UBR2: variants seen among roughly 807,000 people sequenced by gnomAD.
UBR2 encodes the protein ubiquitin protein ligase E3 component n-recognin 2, also known as E3 ubiquitin-protein ligase UBR2.
In UBR2, 92 loss-of-function variants were observed where a neutral mutation model predicts 247.9. The observed-to-expected ratio is 0.37, with a 90% CI of 0.31 to 0.44. The LOEUF is 0.44. Among genes scored for constraint, UBR2 ranks in the 20% least tolerant of loss-of-function variants. The pLI, the probability that UBR2 is intolerant of heterozygous loss-of-function variation, is 1.00. For synonymous variants in UBR2, 672 were observed against 693.5 expected (o/e 0.97, Z 0.49); for missense variants, 1,613 against 2,112.6 (o/e 0.76, Z 4.64).
intron 11 of UBR2, among the ~76,000 whole-genome samples, chr6:42,623,060 A>G (rs1021073495): frequency 4.6e-5 from 7 of 152,046 alleles, no homozygotes; most frequent in African/African-American, 1.4e-4. Flanking sequence ...TTGAATATTT[A>G]TATATTTTAT....
intron 1 of UBR2, among the ~76,000 whole-genome samples, chr6:42,570,204 A>C (rs1474855846): frequency 6.6e-6 from 1 of 152,202 alleles, no homozygotes; most frequent in Non-Finnish European, 1.5e-5. Context: ...CAAATCTTTT[A>C]GGTGATTGTG....
chr6:42,602,185 C>A (rs1399586966), intron 4 of UBR2, among the ~76,000 whole-genome samples: 2 of 149,952 alleles, frequency 1.3e-5, no homozygotes, highest in Non-Finnish European at 3.0e-5. Context: ...CCATGCCTGG[C>A]CCTTTTTTTT....
intron 4 of UBR2, among the ~76,000 whole-genome samples, chr6:42,599,336 G>A (rs539524621): frequency 3.9e-5 from 6 of 152,238 alleles, no homozygotes; most frequent in African/African-American, 1.4e-4. Flanking sequence ...TTAGGCTGAG[G>A]TGGAGGATCA....
At chr6:42,677,329 C>T (rs184462001) in intron 40 of UBR2, among the ~76,000 whole-genome samples, 2 of 152,192 alleles carry the variant, frequency 1.3e-5, no homozygotes, top group East Asian at 3.9e-4. Context: ...CTACAAATAG[C>T]AATTCAGTAG....
intron 25 of UBR2, among the ~76,000 whole-genome samples, chr6:42,654,094 G>C: frequency 6.6e-6 from 1 of 152,178 alleles, no homozygotes. Context: ...CTCCTCGGGA[G>C]GCTGAGTAGC....
chr6:42,586,538 C>CTTTTTTTTTTTTTTTTTTTTTTTCT (rs147830824), intron 2 of UBR2, among the ~76,000 whole-genome samples: 1 of 97,256 alleles, frequency 1.0e-5, no homozygotes, highest in Non-Finnish European at 1.9e-5. Context: ...GTTTGTCTCT[C>CTTTTTTTTTTTTTTTTTTTTTTTCT]TTTTTTTTTT....
intron 23 of UBR2, among the ~76,000 whole-genome samples, chr6:42,650,797 G>A (rs58609816): frequency 0.02 from 3,099 of 152,028 alleles, 96 homozygotes; most frequent in African/African-American, 0.07. Context: ...ATACCTTTAC[G>A]TATATGGGTA....
At chr6:42,650,170 A>G (rs1023711009) in intron 22 of UBR2, 114 bp from the exon 23 acceptor site, 2 of 783,874 alleles carry the variant, frequency 2.6e-6, no homozygotes, top group African/African-American at 1.8e-5. Context: ...TTGTAGCTTA[A>G]CACCCACCAG....
chr6:42,639,750 T>C (rs1796309777), intron 15 of UBR2, among the ~76,000 whole-genome samples: 1 of 152,240 alleles, frequency 6.6e-6, no homozygotes, highest in Non-Finnish European at 1.5e-5. Flanking sequence ...AAAGCTGGCA[T>C]AACATGTATA....
chr6:42,658,607 T>C, intron 28 of UBR2, 39 bp from the exon 29 acceptor site: 2 of 1,549,874 alleles, frequency 1.3e-6, no homozygotes, highest in Non-Finnish European at 8.7e-7. Flanking sequence ...ATGTGCGTTT[T>C]AGCATCTAAT....
chr6:42,687,483 G>C (rs981453093), intron 44 of UBR2, among the ~76,000 whole-genome samples: 2 of 152,176 alleles, frequency 1.3e-5, no homozygotes, highest in African/African-American at 2.4e-5. Flanking sequence ...GCAAAGGGGA[G>C]AGGGAGAGAA....
rs764052746 is a variant in UBR2, at chr6:42,689,676, A to G, written c.5126+6A>G. 6.2e-6 allele frequency: 10 copies of G among 1,613,202 alleles called. No homozygotes were observed. The highest frequency in any genetic ancestry group is 5.0e-5 in the Admixed American group (3 of 60,018). On this transcript the variant is annotated splice_donor_region_variant and intron_variant, in intron 46 of 46. Coordinates refer to ENST00000372901, the MANE Select transcript of UBR2 (RefSeq NM_001363705.2). This position sits in a 1 kb window ranked among gnomAD's most constrained non-coding sequence, Gnocchi z 4.0. ...GAGACCGACCAGGGACTCAGGTAAG[A>G]ACCCATCCTGAGTTAGCTAACTCAG...
At position 42,634,059 on chromosome 6, in the gene UBR2, GTTCT is replaced by G. The variant is rs143811409; in HGVS notation, c.1545+1162_1545+1165del. 4.0e-3 allele frequency among the ~76,000 whole-genome samples: 608 copies of G among 152,242 alleles called. 9 individuals carry two copies. The highest frequency in any genetic ancestry group is 0.014 in the African/African-American group (563 of 41,534). Reference sequence around the variant, plus strand: ...TTATATTTCTTTGGTTTCCACTAATGTTCTTTCTTTAGAGGTTACAAGTTTATTT... The same window carrying G: ...TTATATTTCTTTGGTTTCCACTAATGTTCTTTAGAGGTTACAAGTTTATTT... On this transcript the variant is annotated intron_variant, in intron 13 of 46. Coordinates refer to ENST00000372901, the MANE Select transcript of UBR2 (RefSeq NM_001363705.2).
chr6:42,661,671 A>G (rs1040800155), intron 30 of UBR2, among the ~76,000 whole-genome samples: 2 of 152,132 alleles, frequency 1.3e-5, no homozygotes, highest in Non-Finnish European at 2.9e-5. Context: ...GTCTGTGCTT[A>G]GATTTTTTGT....
chr6:42,567,940 A>G (rs1790881821), intron 1 of UBR2, among the ~76,000 whole-genome samples: 1 of 152,160 alleles, frequency 6.6e-6, no homozygotes, highest in Non-Finnish European at 1.5e-5. Flanking sequence ...CTAGCTACTC[A>G]GAAGGCTAAG....
chr6:42,669,100 T>C (rs1296172910), intron 34 of UBR2, among the ~76,000 whole-genome samples: 1 of 151,918 alleles, frequency 6.6e-6, no homozygotes, highest in African/African-American at 2.4e-5. Flanking sequence ...ATTTTTTGTA[T>C]TTTTAGTGGA....
In UBR2 at chr6:42,663,401, C is replaced by A; in HGVS notation, c.3680C>A (p.Pro1227Gln). ...ACTGTTATTCCTCTGCTGCTTCCTC[C>A]AAGAAATATTTTTAACAAGTAAGTT... ...SNTVIPLLLP[P>Q]RNIFNNRLNF... Residue 1227 changes from proline to glutamine, a missense_variant, in exon 32 of 47, where the codon CCA becomes CAA. This residue lies in a region of UBR2 where 1,524 missense variants were observed against 1,967.3 expected (regional missense o/e 0.77). Coordinates refer to ENST00000372901, the MANE Select transcript of UBR2 (RefSeq NM_001363705.2). 1.2e-6 allele frequency: 2 copies of A among 1,606,630 alleles called. No individual in the cohort carries two copies. Among genetic ancestry groups the A allele is most frequent in the Non-Finnish European group, 1.7e-6 (2 of 1,177,252 alleles).
intron 11 of UBR2, among the ~76,000 whole-genome samples, chr6:42,630,076 T>A (rs1795607189): frequency 6.6e-6 from 1 of 151,984 alleles, no homozygotes; most frequent in Non-Finnish European, 1.5e-5. Context: ...CCTGTTTTAA[T>A]GGGACATTAG....
intron 10 of UBR2, among the ~76,000 whole-genome samples, chr6:42,616,324 G>A (rs1028066884): frequency 2.0e-5 from 3 of 151,852 alleles, no homozygotes; most frequent in Non-Finnish European, 4.4e-5. Flanking sequence ...CAATGTTTAT[G>A]AAATAATAAA....
Sources: gnomAD v4.1 joint callset for allele counts (sites outside exome capture counted in the v4.1 genomes callset) on GRCh38, gnomAD v4.1.1 for gene constraint, gnomAD v4.1.1 regional missense constraint, Gnocchi (gnomAD v3.1) non-coding constraint, MANE v1.5 for transcripts, NCBI Gene and HGNC (gene_info 2026-07-23, HGNC 2026-07-21) for gene names.